Variants in CTNNA2 observed in about 807,000 individuals in gnomAD.
CTNNA2 encodes the protein catenin alpha 2, also known as catenin alpha-2.
CTNNA2 carries 42 observed loss-of-function variants against 101.0 expected under a neutral mutation model. That is an observed-to-expected ratio of 0.42 (90% CI 0.32 to 0.54). CTNNA2 has a LOEUF of 0.54. CTNNA2 is among the 20% of genes least tolerant of loss of function. The pLI, the probability that CTNNA2 is intolerant of heterozygous loss-of-function variation, is 0.14. For missense variants in CTNNA2, 871 were observed against 1,223.1 expected (o/e 0.71, Z 4.29); for synonymous variants, 450 against 456.4 (o/e 0.99, Z 0.18).
chr2:80,089,105 G>A (rs149112987), intron 7 of CTNNA2, among the ~76,000 whole-genome samples: 1 of 152,036 alleles, frequency 6.6e-6, no homozygotes, highest in East Asian at 1.9e-4. Context: ...AAGTTCTTTG[G>A]CGTGTACCAC....
intron 7 of CTNNA2, among the ~76,000 whole-genome samples, chr2:80,355,625 T>A (rs757305203): frequency 3.3e-5 from 5 of 152,312 alleles, no homozygotes; most frequent in Admixed American, 6.5e-5. Context: ...ATTCTAGTGA[T>A]CATCATGCCT....
intron 2 of CTNNA2, among the ~76,000 whole-genome samples, chr2:79,670,869 G>A (rs1682790925): frequency 6.6e-6 from 1 of 152,120 alleles, no homozygotes; most frequent in African/African-American, 2.4e-5. Flanking sequence ...TTACCGCCTT[G>A]CTTTGTAGTT....
intron 7 of CTNNA2, among the ~76,000 whole-genome samples, chr2:80,300,739 C>G (rs1676207051): frequency 6.6e-6 from 1 of 152,130 alleles, no homozygotes; most frequent in South Asian, 2.1e-4. Context: ...TCATCCATGA[C>G]AGTTTATTTC....
At chr2:79,729,128 A>G (rs1322854159) in intron 2 of CTNNA2, among the ~76,000 whole-genome samples, 2 of 152,190 alleles carry the variant, frequency 1.3e-5, no homozygotes, top group Admixed American at 1.3e-4. Flanking sequence ...GCTGACAAAA[A>G]TGAAGCCCAA....
intron 3 of CTNNA2, among the ~76,000 whole-genome samples, chr2:79,826,396 A>G (rs956219241): frequency 6.6e-6 from 1 of 152,222 alleles, no homozygotes; most frequent in African/African-American, 2.4e-5. Context: ...CTGGAGGGTA[A>G]ATGTTGTTTC....
intron 3 of CTNNA2, among the ~76,000 whole-genome samples, chr2:79,839,914 T>C (rs747673533): frequency 2.6e-5 from 4 of 152,190 alleles, no homozygotes; most frequent in African/African-American, 9.6e-5. Flanking sequence ...TTGAACTGTA[T>C]ACTAATTTTT....
At chr2:79,805,715 A>C (rs1417845779) in intron 3 of CTNNA2, among the ~76,000 whole-genome samples, 4 of 152,064 alleles carry the variant, frequency 2.6e-5, no homozygotes, top group Non-Finnish European at 5.9e-5. Context: ...AGATGGGTGG[A>C]TCACGAGGTC....
chr2:80,506,089 G>C (rs1307195169), intron 9 of CTNNA2, among the ~76,000 whole-genome samples: 1 of 152,162 alleles, frequency 6.6e-6, no homozygotes, highest in Non-Finnish European at 1.5e-5. Flanking sequence ...GTCTTCAAAA[G>C]ACTCAGCATG....
chr2:79,208,760 A>C (rs1335459561), intron 2 of CTNNA2, among the ~76,000 whole-genome samples: 1 of 152,182 alleles, frequency 6.6e-6, no homozygotes, highest in Non-Finnish European at 1.5e-5. Context: ...AAGCTGGCAT[A>C]ATTTGCTATT....
intron 3 of CTNNA2, among the ~76,000 whole-genome samples, chr2:79,793,368 G>C (rs1675433718): frequency 6.6e-6 from 1 of 152,198 alleles, no homozygotes; most frequent in African/African-American, 2.4e-5. Context: ...GACTCATGTA[G>C]AGCTGGGCAT....
chr2:80,641,698 T>C (rs1673506207), intron 18 of CTNNA2, among the ~76,000 whole-genome samples: 1 of 152,166 alleles, frequency 6.6e-6, no homozygotes, highest in Non-Finnish European at 1.5e-5. Flanking sequence ...ACTTAACTAT[T>C]CCCTACTTAA....
chr2:80,525,562 C>G (rs1180923997), intron 9 of CTNNA2, among the ~76,000 whole-genome samples: 12 of 152,174 alleles, frequency 7.9e-5, no homozygotes. Flanking sequence ...TTCAGCTAAG[C>G]CTGACTTTCC....
At chr2:80,278,973 A>C (rs912162511) in intron 7 of CTNNA2, among the ~76,000 whole-genome samples, 1 of 151,514 alleles carries the variant, frequency 6.6e-6, no homozygotes, top group African/African-American at 2.4e-5. Context: ...TCTTACAAAA[A>C]AATTGCCAGT....
At chr2:80,132,378 C>G (rs1233092927) in intron 7 of CTNNA2, among the ~76,000 whole-genome samples, 2 of 152,242 alleles carry the variant, frequency 1.3e-5, no homozygotes, top group African/African-American at 2.4e-5. Flanking sequence ...TTTCATGCAT[C>G]TTCCTTCCAG....
intron 3 of CTNNA2, among the ~76,000 whole-genome samples, chr2:79,366,522 G>A (rs1036943272): frequency 6.6e-6 from 1 of 152,184 alleles, no homozygotes; most frequent in Admixed American, 6.5e-5. Flanking sequence ...CCTCAGTGAA[G>A]CAGAGTTTAC....
intron 7 of CTNNA2, among the ~76,000 whole-genome samples, chr2:80,342,392 G>A (rs1490375052): frequency 6.6e-6 from 1 of 152,172 alleles, no homozygotes; most frequent in East Asian, 1.9e-4. Context: ...GATGAACTTG[G>A]TGAACTGGAA....
intron 7 of CTNNA2, among the ~76,000 whole-genome samples, chr2:80,361,291 G>A (rs190676522): frequency 2.0e-4 from 31 of 152,162 alleles, no homozygotes; most frequent in Admixed American, 1.4e-3. Flanking sequence ...ATAGTAATAC[G>A]TGGTTAAAAA....
chr2:80,341,454 T>C (rs928332598), intron 7 of CTNNA2, among the ~76,000 whole-genome samples: 4 of 152,142 alleles, frequency 2.6e-5, no homozygotes, highest in African/African-American at 9.7e-5. Context: ...ACTAGAGATT[T>C]GAATAGATAT....
At chr2:79,253,258 G>T (rs947575228) in intron 2 of CTNNA2, among the ~76,000 whole-genome samples, 1 of 152,194 alleles carries the variant, frequency 6.6e-6, no homozygotes, top group Non-Finnish European at 1.5e-5. Flanking sequence ...CAAAGAGGGT[G>T]AGTTATCTCT....
Sources: allele counts gnomAD v4.1 joint callset (sites outside exome capture counted in the v4.1 genomes callset), GRCh38; gene constraint gnomAD v4.1.1; transcripts MANE v1.5; gene names NCBI Gene and HGNC (gene_info 2026-07-23, HGNC 2026-07-21).